SGK3: variants seen among roughly 807,000 people sequenced by gnomAD.
SGK3 encodes serine/threonine-protein kinase Sgk3.
In SGK3, 47 loss-of-function variants were observed where a neutral mutation model predicts 68.5. That is an observed-to-expected ratio of 0.69 (90% CI 0.54 to 0.87). The LOEUF (loss-of-function observed/expected upper bound fraction) is 0.87, where lower values mean the gene tolerates loss of function less well. Ranked by LOEUF, SGK3 falls within the 40% of genes least tolerant of loss-of-function variation. The probability of loss-of-function intolerance (pLI) is 0.00; values close to 1 mark genes in which losing one functional copy is unlikely to be tolerated. For synonymous variants in SGK3, 181 were observed against 189.1 expected (o/e 0.96, Z 0.35); for missense variants, 479 against 575.5 (o/e 0.83, Z 1.72).
At chr8:66,858,415 A>G (rs1321864855) in intron 16 of SGK3, among the ~76,000 whole-genome samples, 5 of 151,818 alleles carry the variant, frequency 3.3e-5, no homozygotes, top group African/African-American at 4.8e-5. Context: ...GCAGTGAGCC[A>G]AGATGGCGCC....
chr8:66,857,852 A>G (rs928060839), intron 16 of SGK3, among the ~76,000 whole-genome samples: 7 of 147,026 alleles, frequency 4.8e-5, no homozygotes, highest in Non-Finnish European at 1.5e-5. Flanking sequence ...TAGGAAAGGT[A>G]GAGTCTATTA....
chr8:66,786,272 C>T (rs1807194464), intron 1 of SGK3, among the ~76,000 whole-genome samples: 1 of 152,158 alleles, frequency 6.6e-6, no homozygotes, highest in Non-Finnish European at 1.5e-5. Flanking sequence ...GTGGTGGAGG[C>T]AGGGTAGTAT....
intron 1 of SGK3, among the ~76,000 whole-genome samples, chr8:66,789,382 G>A (rs1193728879): frequency 6.6e-6 from 1 of 152,198 alleles, no homozygotes; most frequent in Non-Finnish European, 1.5e-5. Context: ...AGGAAAAGGG[G>A]AGACAGTTCC....
chr8:66,715,154 T>C (rs987213462), intron 1 of SGK3, among the ~76,000 whole-genome samples: 2 of 152,194 alleles, frequency 1.3e-5, no homozygotes, highest in African/African-American at 4.8e-5. Flanking sequence ...AAAAAGAAAA[T>C]AGGTTGGGTA....
At chr8:66,816,251 C>T (rs1462576806) in intron 5 of SGK3, among the ~76,000 whole-genome samples, 2 of 151,920 alleles carry the variant, frequency 1.3e-5, no homozygotes, top group Non-Finnish European at 2.9e-5. Flanking sequence ...ATCTGCCCGC[C>T]TTGGCCTCCC....
chr8:66,762,179 G>A (rs1306209713), intron 1 of SGK3, among the ~76,000 whole-genome samples: 1 of 152,152 alleles, frequency 6.6e-6, no homozygotes, highest in Non-Finnish European at 1.5e-5. Flanking sequence ...ATGTTGGCCA[G>A]GCTGGTTGTG....
chr8:66,852,985 C>T (rs1381159015), intron 16 of SGK3, among the ~76,000 whole-genome samples: 1 of 152,202 alleles, frequency 6.6e-6, no homozygotes, highest in African/African-American at 2.4e-5. Context: ...ACTCAGATAG[C>T]TCCAGCATTG....
intron 5 of SGK3, among the ~76,000 whole-genome samples, chr8:66,820,131 T>A (rs1037006154): frequency 6.6e-6 from 1 of 152,176 alleles, no homozygotes; most frequent in African/African-American, 2.4e-5. Context: ...GTTTTTAGTG[T>A]ATTCACGATG....
At chr8:66,778,172 T>G (rs931078011) in intron 1 of SGK3, 1 of 152,276 alleles carries the variant, frequency 6.6e-6, no homozygotes, top group Non-Finnish European at 1.5e-5. Flanking sequence ...ACTTTGAATT[T>G]GAAAGCTTCG....
intron 1 of SGK3, among the ~76,000 whole-genome samples, chr8:66,717,967 C>T (rs1307656780): frequency 6.6e-6 from 1 of 152,020 alleles, no homozygotes; most frequent in African/African-American, 2.4e-5. Flanking sequence ...TCCCAAAGTG[C>T]TGGGATTACA....
intron 1 of SGK3, among the ~76,000 whole-genome samples, chr8:66,729,173 C>T (rs1477839324): frequency 4.1e-5 from 6 of 146,990 alleles, no homozygotes; most frequent in African/African-American, 7.7e-5. Context: ...GAGCCGAGAT[C>T]GCGCCTCTGC....
chr8:66,717,560 G>T (rs928394438), intron 1 of SGK3, among the ~76,000 whole-genome samples: 2 of 152,042 alleles, frequency 1.3e-5, no homozygotes, highest in African/African-American at 4.8e-5. Context: ...GATTTCATAT[G>T]TAATATATTC....
At chr8:66,811,311 C>T (rs1407070006) in intron 4 of SGK3, among the ~76,000 whole-genome samples, 5 of 152,198 alleles carry the variant, frequency 3.3e-5, no homozygotes. Flanking sequence ...AGCCACTGCA[C>T]CCAGCCTTTT....
intron 8 of SGK3, among the ~76,000 whole-genome samples, chr8:66,832,134 T>C (rs1457771551): frequency 6.6e-6 from 1 of 152,018 alleles, no homozygotes; most frequent in Non-Finnish European, 1.5e-5. Context: ...TAAATAACAG[T>C]TTGAGAAGGA....
rs1426898634 is a variant in SGK3, at chr8:66,835,793, A to G, written c.556A>G (p.Lys186Glu). 6.2e-7 allele frequency: 1 copy of G among 1,612,594 alleles called. No individual in the cohort carries two copies. Among genetic ancestry groups the G allele is most frequent in the Non-Finnish European group, 8.5e-7 (1 of 1,179,644 alleles). Residue 186 changes from lysine to glutamate, a missense_variant, in exon 9 of 17, where the codon AAA becomes GAA. Around this residue, in one of 3 missense-constraint regions of SGK3, gnomAD observed 298 missense variants for 329.4 expected, o/e 0.90. Transcript: ENST00000521198. Reference sequence around the variant, plus strand: ...TCTTGCAAAACGGAAACTGGATGGAAAATTTTATGCTGTCAAAGTGTTACA... The same window carrying G: ...TCTTGCAAAACGGAAACTGGATGGAGAATTTTATGCTGTCAAAGTGTTACA... ...VLLAKRKLDG[K>E]FYAVKVLQKK... is the part of the protein sequence containing the mutation.
At chr8:66,755,534 G>A (rs1805949842) in intron 1 of SGK3, among the ~76,000 whole-genome samples, 1 of 152,172 alleles carries the variant, frequency 6.6e-6, no homozygotes, top group Admixed American at 6.5e-5. Context: ...TGCTTAGCCT[G>A]TACACCTCTT....
At chr8:66,820,463 A>T (rs1808766492) in intron 5 of SGK3, among the ~76,000 whole-genome samples, 1 of 152,172 alleles carries the variant, frequency 6.6e-6, no homozygotes, top group Non-Finnish European at 1.5e-5. Flanking sequence ...ATTGGTGGAC[A>T]TTTGGGATAT....
chr8:66,750,885 T>C (rs1158071426), intron 1 of SGK3, among the ~76,000 whole-genome samples: 2 of 150,978 alleles, frequency 1.3e-5, no homozygotes, highest in African/African-American at 4.9e-5. Context: ...GGTGCACCTA[T>C]AGTCTCAACT....
chr8:66,729,443 G>A (rs34985157), intron 1 of SGK3, among the ~76,000 whole-genome samples: 71 of 151,518 alleles, frequency 4.7e-4, no homozygotes, highest in Admixed American at 2.0e-3. Context: ...GCGACAGAGC[G>A]AGACTCCATC....
Sources: allele counts gnomAD v4.1 joint callset (sites outside exome capture counted in the v4.1 genomes callset), GRCh38; gene constraint gnomAD v4.1.1; regional missense constraint gnomAD v4.1.1; transcripts MANE v1.5; gene names NCBI Gene and HGNC (gene_info 2026-07-23, HGNC 2026-07-21).